TRIM66: variants seen among roughly 807,000 people sequenced by gnomAD.
TRIM66 encodes tripartite motif containing 66, also known as tripartite motif-containing protein 66.
TRIM66 carries 99 observed loss-of-function variants against 148.2 expected under a neutral mutation model. That is an observed-to-expected ratio of 0.67 (90% CI 0.57 to 0.79). TRIM66 has a LOEUF of 0.79. Among genes scored for constraint, TRIM66 ranks in the 30% least tolerant of loss-of-function variants. The pLI, the probability that TRIM66 is intolerant of heterozygous loss-of-function variation, is 0.00. For missense variants in TRIM66, 1,666 were observed against 1,697.9 expected (o/e 0.98, Z 0.33); for synonymous variants, 616 against 635.9 (o/e 0.97, Z 0.47).
chr11:8,653,698 T>C (rs2037561103), intron 6 of TRIM66, among the ~76,000 whole-genome samples: 1 of 152,038 alleles, frequency 6.6e-6, no homozygotes, highest in East Asian at 1.9e-4. Context: ...AGGTGGCTTG[T>C]TATGCAGTAA....
At chr11:8,619,333 G>T in intron 23 of TRIM66, 50 bp downstream of exon 23, 1 of 1,326,192 alleles carries the variant, frequency 7.5e-7, no homozygotes, top group Non-Finnish European at 1.0e-6. Context: ...ACCCATGACA[G>T]TCCTGGGGAT....
At chr11:8,625,344 TCTGGTAGCTG>T (rs11279624) in intron 15 of TRIM66, 116 bp from the exon 16 acceptor site, 306,246 of 1,269,306 alleles carry the variant, frequency 0.24, 39,870 homozygotes, top group South Asian at 0.34. Context: ...GGCTTCAGAG[TCTGGTAGCTG>T]CTGGTAGCTG....
Position 8,671,798 on chromosome 11 carries a change from T to C in TRIM66, c.328A>G (p.Thr110Ala), listed in dbSNP as rs1260773374. 1 of 1,392,088 alleles carries C rather than the reference T, an allele frequency of 7.2e-7. No individual in the cohort carries two copies. The highest frequency in any genetic ancestry group is 2.0e-5 in the Admixed American group (1 of 50,796). The allele number at this position is 1,392,088 out of a possible 1,614,324, so 86.2% of individuals were successfully genotyped here. A position where few individuals can be genotyped will look rare whatever the true frequency, so the allele number is the denominator to read the frequency against. Residue 110 changes from threonine (T) to alanine (A), a missense_variant, in exon 6 of 25, where the codon ACT becomes GCT. By Grantham distance (58) the Thr-to-Ala change is moderately conservative. Coordinates refer to ENST00000646038, the MANE Select transcript of TRIM66 (RefSeq NM_001388022.1). Reference protein sequence around the residue: ...ELGQIAKAHETVADELISCPG... With the variant: ...ELGQIAKAHEAVADELISCPG... ...CCTTTGTACTTACCATCTGCAACAG[T>C]CTCATGAGCCTTGGCAATCTGCCCT...
chr11:8,630,494 G>T (rs1318809825), intron 15 of TRIM66, among the ~76,000 whole-genome samples: 1 of 152,188 alleles, frequency 6.6e-6, no homozygotes, highest in African/African-American at 2.4e-5. Context: ...GGTATATTTT[G>T]AGATTCACTA....
At chr11:8,654,228 A>G (rs557832890) in intron 6 of TRIM66, among the ~76,000 whole-genome samples, 5 of 152,220 alleles carry the variant, frequency 3.3e-5, no homozygotes, top group Non-Finnish European at 7.3e-5. Context: ...GCCCCTTGTA[A>G]ATTGACCTTA....
Position 8,641,087 on chromosome 11 carries a change from C to T in TRIM66, c.1288G>A (p.Gly430Arg), listed in dbSNP as rs1459845040. The T allele has an allele frequency of 6.4e-7, 1 of 1,551,664 alleles. No homozygotes were observed. The stretch of plus-strand genomic sequence containing the variant: ...TGGCTTTGATAAAAGGGTGATGACC[C>T]CTGTAAGCCTCCATAAGCAGGAGCA... ...ADAPAYGGLQ[G>R]SSPFYQSHQS... Residue 430 changes from glycine to arginine, a missense_variant, in exon 14 of 25, where the codon GGG becomes AGG. This residue lies in a region of TRIM66 where 1,431 missense variants were observed against 1,412.4 expected (regional missense o/e 1.01). Transcript: ENST00000646038.
At chr11:8,620,381 A>C in intron 21 of TRIM66, 65 bp downstream of exon 21, 4 of 1,542,898 alleles carry the variant, frequency 2.6e-6, no homozygotes, top group Non-Finnish European at 3.5e-6. Flanking sequence ...CAAAGGCCTC[A>C]GACCCTGTAG....
chr11:8,660,786 C>T (rs1201203617), intron 6 of TRIM66, among the ~76,000 whole-genome samples: 1 of 152,162 alleles, frequency 6.6e-6, no homozygotes, highest in Non-Finnish European at 1.5e-5. Context: ...CACATCTGAG[C>T]TGGACCTTCA....
rs61742770 is a variant in TRIM66 at position 8,646,469 on chromosome 11, T to G, written c.935A>C (p.Asn312Thr). The change falls in exon 11 of 25, where the codon AAT (asparagine) becomes ACT (threonine). Residue 312 changes from asparagine (N) to threonine (T), a missense_variant. Asn to Thr is a moderately conservative substitution (Grantham distance 65). Around this residue, in one of 3 missense-constraint regions of TRIM66, gnomAD observed 1,431 missense variants for 1,412.4 expected, o/e 1.01. Coordinates refer to ENST00000646038, the MANE Select transcript of TRIM66 (RefSeq NM_001388022.1). ...TACCTCTAATTCCTCTATTAGCCCA[T>G]TGGCCTGTTTGTTCAGCTCATTCAT... ...VLMNELNKQANGLIEELEGIT... is the reference protein window; with the variant it reads ...VLMNELNKQATGLIEELEGIT... 1,438 of 1,552,324 alleles carry G rather than the reference T, an allele frequency of 9.3e-4. 12 individuals are homozygous for G. In the African/African-American group the frequency reaches 0.018, roughly 19 times the overall value.
chr11:8,652,750 T>C (rs1014178961), intron 6 of TRIM66, among the ~76,000 whole-genome samples: 1 of 152,172 alleles, frequency 6.6e-6, no homozygotes, highest in Non-Finnish European at 1.5e-5. Context: ...TGTCCAGGGA[T>C]GAGGGTGATC....
Position 8,624,236 on chromosome 11 carries a change from C to G in TRIM66, c.3019+123G>C, listed in dbSNP as rs1292253462. The G allele has an allele frequency of 2.4e-5, 27 of 1,118,550 alleles. No homozygotes were observed. The East Asian group carries it at 7.1e-4, about 29-fold the overall frequency. The allele number at this position is 1,118,550 out of a possible 1,614,324, so 69.3% of individuals were successfully genotyped here. On this transcript the variant is annotated intron_variant, in intron 17 of 24. Transcript: ENST00000646038. Reference sequence around the variant, plus strand: ...TTCCGGAGGAGAGAAGTAAATTCAGCCTCAGAGAGATGCACTGCTTCCCCA... The same window carrying G: ...TTCCGGAGGAGAGAAGTAAATTCAGGCTCAGAGAGATGCACTGCTTCCCCA...
intron 19 of TRIM66, 24 bp downstream of exon 19, chr11:8,621,621 G>A: frequency 6.6e-7 from 1 of 1,503,832 alleles, no homozygotes; most frequent in Non-Finnish European, 8.9e-7. Context: ...CAGGGTTTAA[G>A]GCCAAGGCAA....
In TRIM66 at chr11:8,640,672, G is replaced by A. The variant is rs201023559; in HGVS notation, c.1703C>T (p.Ala568Val). 2,751 of 1,551,684 alleles carry A rather than the reference G, an allele frequency of 1.8e-3. 13 individuals carry two copies. Among genetic ancestry groups the A allele is most frequent in the Middle Eastern group, 3.0e-3 (18 of 5,988 alleles). The change falls in exon 14 of 25, where the codon GCC becomes GTC. Residue 568 changes from alanine (A) to valine (V), a missense_variant. This residue lies in a region of TRIM66 where 1,431 missense variants were observed against 1,412.4 expected (regional missense o/e 1.01). Coordinates refer to ENST00000646038, the MANE Select transcript of TRIM66 (RefSeq NM_001388022.1). ...TGTCTGTAAGGTGGGCTGGGCATGG[G>A]CTCCTTGCTGAACATCCTGTGGGGG... ...IVPPQDVQQG[A>V]HAQPTLQTPS...
At chr11:8,682,761 C>A (rs2039505151), upstream of TRIM66, 3 of 1,613,302 alleles carry the variant, frequency 1.9e-6, no homozygotes, top group Non-Finnish European at 1.7e-6. Context: ...CCCCCGTGGC[C>A]GATACCTCGC....
rs1218920778 is a variant in TRIM66, at chr11:8,616,859, C to A, written c.*1085G>T. 5 of 152,188 alleles carry A rather than the reference C, an allele frequency of 3.3e-5. No individual in the cohort carries two copies. The highest frequency in any genetic ancestry group is 7.2e-5 in the African/African-American group (3 of 41,440). 9.4% of individuals were successfully genotyped at this position (152,188 alleles called of 1,614,324 possible). ...TGGCTTTTTTGGGGCTGTAGACAGC[C>A]TGGAGGCGGGCTGGTCAGAAGACTC... On this transcript the variant is annotated 3_prime_UTR_variant, in exon 25 of 25. Transcript: ENST00000646038.
chr11:8,665,817 T>C (rs375399415), intron 6 of TRIM66, among the ~76,000 whole-genome samples: 6 of 151,704 alleles, frequency 4.0e-5, no homozygotes, highest in African/African-American at 1.5e-4. Flanking sequence ...GGCGTGGTGG[T>C]GGGCGCCTGT....
At chr11:8,619,340 G>A (rs2033977035) in intron 23 of TRIM66, 43 bp downstream of exon 23, 1 of 1,462,732 alleles carries the variant, frequency 6.8e-7, no homozygotes, top group Non-Finnish European at 9.1e-7. Flanking sequence ...ACAGTCCTGG[G>A]GATGCAGGGA....
At position 8,622,824 on chromosome 11, in the gene TRIM66, C is replaced by T; in HGVS notation, c.3072G>A (p.Gln1024=). The change falls in exon 18 of 25, where the codon CAG becomes CAA. Residue 1024 remains glutamine, a synonymous_variant. Transcript: ENST00000646038. ...GALELDAKEN[Q]SIRAFNSEHK... ...AGCCAGAAGGCTGTTACCTGATGCT[C>T]TGGTTCTCTTTTGCATCCAGCTCTA... The T allele has an allele frequency of 6.4e-7, 1 of 1,551,984 alleles. No homozygotes were observed. Among genetic ancestry groups the T allele is most frequent in the Non-Finnish European group, 8.7e-7 (1 of 1,147,042 alleles).
intron 1 of TRIM66, among the ~76,000 whole-genome samples, chr11:8,682,055 C>A (rs921060854): frequency 3.9e-5 from 6 of 152,288 alleles, no homozygotes; most frequent in African/African-American, 1.4e-4. Flanking sequence ...AGCCACCGCG[C>A]CTGGCCTAAA....
Sources: allele counts gnomAD v4.1 joint callset (sites outside exome capture counted in the v4.1 genomes callset), GRCh38; gene constraint gnomAD v4.1.1; regional missense constraint gnomAD v4.1.1; transcripts MANE v1.5; gene names NCBI Gene and HGNC (gene_info 2026-07-23, HGNC 2026-07-21).